Variants in KCTD14 observed in about 807,000 individuals in gnomAD.
The protein encoded by KCTD14 is BTB/POZ domain-containing protein KCTD14.
A neutral mutation model predicts 5.9 loss-of-function variants in KCTD14; 7 were observed. That is an observed-to-expected ratio of 1.19 (90% CI 0.68 to 2.23). The LOEUF (loss-of-function observed/expected upper bound fraction) is 2.23. Among genes scored for constraint, KCTD14 ranks in the 30% most tolerant of loss-of-function variants. KCTD14 has a pLI of 0.00. For synonymous variants in KCTD14, 140 were observed against 133.1 expected, an observed-to-expected ratio of 1.05 and a Z score of -0.36; for missense variants, 342 against 332.2, an observed-to-expected ratio of 1.03 and a Z score of -0.23.
At chr11:78,040,806 A>G (rs1414704272) in intron 1 of KCTD14, among the ~76,000 whole-genome samples, 8 of 151,912 alleles carry the variant, frequency 5.3e-5, no homozygotes, top group Non-Finnish European at 1.2e-4. Flanking sequence ...AGTAGCTAGG[A>G]CTACAGGTAC....
exon 1 of KCTD14, chr11:78,046,081 A>G: frequency 1.0e-6 from 1 of 984,878 alleles, no homozygotes; most frequent in South Asian, 4.7e-5. Flanking sequence ...ACCGGGGAGG[A>G]CTCCGAGAAA....
rs532369403 is a variant in KCTD14 at position 78,019,294 on chromosome 11, G to T, written c.91-2024C>A. Among the ~76,000 whole-genome samples the T allele has an allele frequency of 2.0e-3, 312 of 152,202 alleles. 3 individuals carry two copies. The highest frequency in any genetic ancestry group is 9.1e-4 in the Non-Finnish European group (62 of 68,000). On this transcript the variant is annotated intron_variant, in intron 1 of 1. Coordinates refer to ENST00000353172, the MANE Select transcript of KCTD14 (RefSeq NM_023930.4). ...CTCCCAAAGTGTTGGGATTACAGGC[G>T]TGAGCCACAGCCCCGGCCAGAAATG...
At chr11:78,018,795 T>G (rs1249329692) in intron 1 of KCTD14, among the ~76,000 whole-genome samples, 4 of 151,896 alleles carry the variant, frequency 2.6e-5, no homozygotes. Context: ...TCAACTCTGA[T>G]CTAAGATATA....
In KCTD14 at chr11:78,016,392, G is replaced by C; in HGVS notation, c.*201C>G. The C allele has an allele frequency of 1.7e-6, 1 of 593,812 alleles. No individual in the cohort carries two copies. The allele number at this position is 593,812 out of a possible 1,614,324, so 36.8% of individuals were successfully genotyped here. A position where few individuals can be genotyped will look rare whatever the true frequency, so the allele number is the denominator to read the frequency against. ...ATGAGGCTTTGAAAAGGAAGTAGCT[G>C]CAAGTTGCTAGGCAAATATAGTGGC... On this transcript the variant is annotated 3_prime_UTR_variant, in exon 2 of 2. Coordinates refer to ENST00000353172, the MANE Select transcript of KCTD14 (RefSeq NM_023930.4).
upstream of KCTD14, chr11:78,023,689 T>C (rs1857368470): frequency 6.3e-6 from 1 of 158,684 alleles, no homozygotes; most frequent in Admixed American, 6.4e-5. Context: ...CTTCCTATAT[T>C]TTCTTTTACG....
chr11:78,025,116 GTGTATATATATATATATATATA>G (rs1422531004), upstream of KCTD14, among the ~76,000 whole-genome samples: 3,641 of 68,524 alleles, frequency 0.053, 203 homozygotes, highest in African/African-American at 0.21. Flanking sequence ...GTGTGTGTGT[GTGTATATATATATATATATATA>G]TATATATATA....
At chr11:78,029,443 T>C (rs1461183064) in intron 2 of KCTD14, among the ~76,000 whole-genome samples, 1 of 152,174 alleles carries the variant, frequency 6.6e-6, no homozygotes, top group Non-Finnish European at 1.5e-5. Context: ...ACTAGTATAT[T>C]GATCCAGATT....
At chr11:78,038,842 G>T in intron 1 of KCTD14, 1 of 1,478,052 alleles carries the variant, frequency 6.8e-7, no homozygotes, top group Non-Finnish European at 9.1e-7. Flanking sequence ...CAGGCCAGGA[G>T]CCTGACTGGA....
chr11:78,046,102 C>A, exon 1 of KCTD14: 1 of 985,430 alleles, frequency 1.0e-6, no homozygotes. Context: ...AGCGAGTGAT[C>A]TGCCGAGATT....
At chr11:78,030,779 G>A (rs1857591001) in intron 2 of KCTD14, among the ~76,000 whole-genome samples, 1 of 152,118 alleles carries the variant, frequency 6.6e-6, no homozygotes, top group Admixed American at 6.5e-5. Context: ...GCCCAGCCCA[G>A]GCTTGGCAGC....
chr11:78,035,583 C>T (rs1011112200), intron 2 of KCTD14, among the ~76,000 whole-genome samples: 1 of 152,098 alleles, frequency 6.6e-6, no homozygotes, highest in Non-Finnish European at 1.5e-5. Flanking sequence ...GTGGCTCACG[C>T]CTGTAATCCT....
At chr11:78,029,302 A>G (rs145884890) in intron 2 of KCTD14, among the ~76,000 whole-genome samples, 1 of 152,214 alleles carries the variant, frequency 6.6e-6, no homozygotes, top group African/African-American at 2.4e-5. Flanking sequence ...ACACCTGCTA[A>G]GATTTGGGTG....
intron 2 of KCTD14, among the ~76,000 whole-genome samples, chr11:78,037,406 A>C (rs1397422470): frequency 6.6e-6 from 1 of 152,122 alleles, no homozygotes; most frequent in East Asian, 1.9e-4. Flanking sequence ...CAAGCTCCCA[A>C]GGGCCAGCTC....
intron 2 of KCTD14, among the ~76,000 whole-genome samples, chr11:78,035,581 C>T (rs1857766689): frequency 1.3e-5 from 2 of 152,062 alleles, no homozygotes; most frequent in Admixed American, 6.6e-5. Context: ...CGGTGGCTCA[C>T]GCCTGTAATC....
rs146956249 is a variant in KCTD14 at position 78,016,677 on chromosome 11, T to C, written c.684A>G (p.Val228=). ...GGTACGTCAGGTAGAACTTGGAGAATACCTTGTACCCCTGGGCCTTAATGT... is the reference window on the plus strand; with the variant it reads ...GGTACGTCAGGTAGAACTTGGAGAACACCTTGTACCCCTGGGCCTTAATGT... ...EMDIKAQGYK[V]FSKFYLTYPT... The change falls in exon 2 of 2, where the codon GTA becomes GTG. Residue 228 remains valine (V), a synonymous_variant. Transcript: ENST00000353172. 9.9e-5 allele frequency: 159 copies of C among 1,614,182 alleles called. 1 individual carries two copies. The African/African-American group carries it at 1.5e-3, about 16-fold the overall frequency.
rs922703258 is a variant in KCTD14, at chr11:78,016,645, T to C, written c.716A>G (p.Lys239Arg). ...AATGTTAAAATGGAATTCGTTTCTTTTGGTGGGGTACGTCAGGTAGAACTT... is the reference window on the plus strand; with the variant it reads ...AATGTTAAAATGGAATTCGTTTCTTCTGGTGGGGTACGTCAGGTAGAACTT... ...FSKFYLTYPT[K>R]RNEFHFNIYS... Residue 239 changes from lysine (K) to arginine (R), a missense_variant, in exon 2 of 2, where the codon AAA (lysine) becomes AGA (arginine). Lys to Arg is a conservative substitution (Grantham distance 26). Transcript: ENST00000353172. 1 of 1,614,200 alleles carries C rather than the reference T, an allele frequency of 6.2e-7. No homozygotes were observed. Among genetic ancestry groups the C allele is most frequent in the Admixed American group, 1.7e-5 (1 of 60,028 alleles).
At chr11:78,044,990 C>G (rs779149960) in intron 1 of KCTD14, among the ~76,000 whole-genome samples, 1 of 152,120 alleles carries the variant, frequency 6.6e-6, no homozygotes, top group African/African-American at 2.4e-5. Flanking sequence ...TGTTCACATG[C>G]TCATTTCAGG....
upstream of KCTD14, among the ~76,000 whole-genome samples, chr11:78,025,118 G>GTGTGTATATATA (rs1230114793): frequency 1.7e-3 from 76 of 44,438 alleles, no homozygotes; most frequent in Middle Eastern, 0.014. Flanking sequence ...GTGTGTGTGT[G>GTGTGTATATATA]TATATATATA....
chr11:78,018,444 C>G (rs1030879416), intron 1 of KCTD14, among the ~76,000 whole-genome samples: 1 of 151,952 alleles, frequency 6.6e-6, no homozygotes, highest in Non-Finnish European at 1.5e-5. Context: ...TGGTGCCTCA[C>G]GCCTATAATC....
Sources: gnomAD v4.1 joint callset for allele counts (sites outside exome capture counted in the v4.1 genomes callset) on GRCh38, gnomAD v4.1.1 for gene constraint, MANE v1.5 for transcripts, NCBI Gene and HGNC (gene_info 2026-07-23, HGNC 2026-07-21) for gene names.